The following PTK2 variants were observed in gnomAD, a reference collection of about 807,000 sequenced individuals.
The protein encoded by PTK2 is focal adhesion kinase 1.
Under a neutral mutation model 150.1 loss-of-function variants are expected in PTK2, and 45 were observed. That is an observed-to-expected ratio of 0.30 (90% CI 0.24 to 0.38). The LOEUF is 0.38. PTK2 is among the 10% of genes least tolerant of loss of function. The pLI is 1.00. For synonymous variants in PTK2, 432 were observed against 449.2 expected (o/e 0.96, Z 0.48); for missense variants, 919 against 1,307.3 (o/e 0.70, Z 4.58).
intron 25 of PTK2, 82 bp downstream of exon 28, chr8:140,702,488 A>AAGCTTTT: frequency 3.3e-6 from 5 of 1,496,956 alleles, no homozygotes; most frequent in Non-Finnish European, 4.5e-6. Context: ...CAAAAGTGCT[A>AAGCTTTT]GGATTACAAG....
intron 1 of PTK2, among the ~76,000 whole-genome samples, chr8:140,936,286 A>G (rs1482124157): frequency 6.6e-6 from 1 of 152,232 alleles, no homozygotes; most frequent in Non-Finnish European, 1.5e-5. Flanking sequence ...ACACATCTAC[A>G]TCACCTAAAG....
At chr8:140,853,232 G>T (rs1454884691) in intron 5 of PTK2, among the ~76,000 whole-genome samples, 1 of 151,168 alleles carries the variant, frequency 6.6e-6, no homozygotes, top group African/African-American at 2.4e-5. Flanking sequence ...GGGTACATGT[G>T]CACAATATGC....
At chr8:140,691,758 CATT>C (rs1246347212) in intron 26 of PTK2, among the ~76,000 whole-genome samples, 14 of 152,214 alleles carry the variant, frequency 9.2e-5, no homozygotes, top group African/African-American at 3.4e-4. Flanking sequence ...CTCAGTCAGT[CATT>C]ATCAGAATGA....
chr8:140,725,289 G>A (rs1324240635), intron 22 of PTK2, among the ~76,000 whole-genome samples: 4 of 132,122 alleles, frequency 3.0e-5, no homozygotes, highest in East Asian at 2.2e-4. Flanking sequence ...ATGAGCCACC[G>A]CAAATGTTAC....
intron 31 of PTK2, among the ~76,000 whole-genome samples, chr8:140,660,028 T>G (rs1195674451): frequency 6.6e-6 from 1 of 152,158 alleles, no homozygotes; most frequent in Non-Finnish European, 1.5e-5. Context: ...ATTTAAACAT[T>G]TTTTTTACTT....
intron 11 of PTK2, among the ~76,000 whole-genome samples, chr8:140,801,128 G>A (rs2100094778): frequency 6.6e-6 from 1 of 152,186 alleles, no homozygotes; most frequent in Admixed American, 6.5e-5. Flanking sequence ...AGTTCCTAGA[G>A]CCCTCAGATG....
chr8:140,667,997 ATG>A (rs554906845), intron 30 of PTK2, among the ~76,000 whole-genome samples: 1 of 152,192 alleles, frequency 6.6e-6, no homozygotes, highest in Non-Finnish European at 1.5e-5. Flanking sequence ...TGCAGACTTT[ATG>A]TGTGAGTGGT....
intron 15 of PTK2, 59 bp from the exon 19 acceptor site, chr8:140,761,321 CACTTGACGT>C (rs773120271): frequency 7.8e-7 from 1 of 1,284,808 alleles, no homozygotes; most frequent in Non-Finnish European, 1.1e-6. Context: ...GTAGAAATAA[CACTTGACGT>C]ATTTCTTGAT....
At chr8:140,828,803 CTG>C (rs1381032852) in intron 8 of PTK2, among the ~76,000 whole-genome samples, 1 of 152,228 alleles carries the variant, frequency 6.6e-6, no homozygotes, top group African/African-American at 2.4e-5. Flanking sequence ...CCAGGTCAAA[CTG>C]AATCTCCCAT....
At chr8:140,753,290 A>T (rs2100063850) in intron 16 of PTK2, among the ~76,000 whole-genome samples, 1 of 152,208 alleles carries the variant, frequency 6.6e-6, no homozygotes, top group Non-Finnish European at 1.5e-5. Flanking sequence ...TGCAGGTGTG[A>T]GAGAGTCAAG....
chr8:140,823,431 G>C (rs6578139), intron 8 of PTK2, among the ~76,000 whole-genome samples: 1 of 151,848 alleles, frequency 6.6e-6, no homozygotes, highest in Non-Finnish European at 1.5e-5. Context: ...ATTCTATGAA[G>C]TAACGGAGAT....
intron 1 of PTK2, chr8:140,984,298 T>C (rs1339833001): frequency 2.0e-5 from 3 of 152,560 alleles, no homozygotes; most frequent in Non-Finnish European, 4.4e-5. Context: ...CCCAACTCCA[T>C]GCCCTTAACT....
chr8:140,804,263 C>T (rs1452988730), intron 10 of PTK2, among the ~76,000 whole-genome samples: 2 of 149,682 alleles, frequency 1.3e-5, no homozygotes, highest in African/African-American at 2.5e-5. Context: ...TACTGCTGCA[C>T]AAATTAATAA....
intron 21 of PTK2, 43 bp downstream of exon 24, chr8:140,738,974 GA>G: frequency 7.6e-7 from 1 of 1,323,050 alleles, no homozygotes. Context: ...TATAACATAT[GA>G]AATATAATTT....
At chr8:140,962,674 C>T (rs530152287) in intron 1 of PTK2, among the ~76,000 whole-genome samples, 2 of 151,890 alleles carry the variant, frequency 1.3e-5, no homozygotes, top group South Asian at 2.1e-4. Context: ...CCCAGCTACT[C>T]GGGAGGCTGA....
At chr8:140,894,896 C>A (rs1180959638) in intron 2 of PTK2, among the ~76,000 whole-genome samples, 1 of 152,156 alleles carries the variant, frequency 6.6e-6, no homozygotes, top group African/African-American at 2.4e-5. Context: ...CAAATCTGAT[C>A]TAATTGACAT....
intron 30 of PTK2, among the ~76,000 whole-genome samples, chr8:140,666,608 A>AC (rs956166036): frequency 6.6e-6 from 1 of 151,960 alleles, no homozygotes; most frequent in African/African-American, 2.4e-5. Flanking sequence ...CTTCAAAATA[A>AC]CCCCCCAGAA....
At chr8:140,893,278 T>G (rs1265365612) in intron 2 of PTK2, among the ~76,000 whole-genome samples, 3 of 152,144 alleles carry the variant, frequency 2.0e-5, no homozygotes, top group African/African-American at 7.2e-5. Context: ...GCCATTGTAC[T>G]CCAGCTTGGG....
intron 10 of PTK2, among the ~76,000 whole-genome samples, chr8:140,818,020 C>T (rs2100105770): frequency 6.6e-6 from 1 of 152,028 alleles, no homozygotes; most frequent in South Asian, 2.1e-4. Flanking sequence ...TCCAGATAAA[C>T]AGTAACAACC....
Sources: gnomAD v4.1 joint callset for allele counts (sites outside exome capture counted in the v4.1 genomes callset) on GRCh38, gnomAD v4.1.1 for gene constraint, MANE v1.5 for transcripts, NCBI Gene and HGNC (gene_info 2026-07-23, HGNC 2026-07-21) for gene names.